The following AGBL1 variants were observed in gnomAD, a reference collection of about 807,000 sequenced individuals.
AGBL1 encodes cytosolic carboxypeptidase 4.
A neutral mutation model predicts 118.9 loss-of-function variants in AGBL1; 130 were observed. That is an observed-to-expected ratio of 1.09 (90% CI 0.95 to 1.26). The LOEUF (loss-of-function observed/expected upper bound fraction) is 1.26, where lower values mean the gene tolerates loss of function less well. AGBL1 is among the 50% of genes most tolerant of loss of function. The probability of loss-of-function intolerance (pLI) is 0.00; values close to 1 mark genes in which losing one functional copy is unlikely to be tolerated. For synonymous variants in AGBL1, 555 were observed against 478.9 expected (o/e 1.16, Z -2.08); for missense variants, 1,584 against 1,298.1 (o/e 1.22, Z -3.38).
intron 16 of AGBL1, among the ~76,000 whole-genome samples, chr15:86,285,780 C>A (rs371465417): frequency 9.6e-4 from 146 of 151,986 alleles, no homozygotes; most frequent in African/African-American, 3.4e-3. Context: ...AAAAGATAAC[C>A]CATGAGAGAA....
intron 22 of AGBL1, among the ~76,000 whole-genome samples, chr15:86,738,401 A>T (rs1269941033): frequency 6.7e-6 from 1 of 150,044 alleles, no homozygotes; most frequent in Non-Finnish European, 1.5e-5. Context: ...AGAGAAAAAA[A>T]TAAAAGGCAT....
intron 17 of AGBL1, among the ~76,000 whole-genome samples, chr15:86,329,183 G>C (rs566992115): frequency 6.6e-6 from 1 of 152,144 alleles, no homozygotes; most frequent in Admixed American, 6.5e-5. Context: ...ACCCCAGCCT[G>C]TTCCCCTGAG....
chr15:86,781,527 C>T (rs1404729231), intron 22 of AGBL1, among the ~76,000 whole-genome samples: 2 of 152,088 alleles, frequency 1.3e-5, no homozygotes, highest in African/African-American at 4.8e-5. Flanking sequence ...TTTTAGGACT[C>T]TTAGAGATCG....
chr15:86,973,363 T>A (rs1392943115), intron 23 of AGBL1, among the ~76,000 whole-genome samples: 1 of 152,072 alleles, frequency 6.6e-6, no homozygotes, highest in Non-Finnish European at 1.5e-5. Context: ...AGCTTCTTGA[T>A]GGTGAGAAAT....
At chr15:87,031,198 A>G (rs2141818757), downstream of AGBL1, among the ~76,000 whole-genome samples, 1 of 152,108 alleles carries the variant, frequency 6.6e-6, no homozygotes, top group South Asian at 2.1e-4. Flanking sequence ...ATATCCTGAA[A>G]TCACTGATAT....
chr15:86,188,824 G>A (rs1369326734), intron 5 of AGBL1, among the ~76,000 whole-genome samples: 2 of 152,176 alleles, frequency 1.3e-5, no homozygotes, highest in Non-Finnish European at 2.9e-5. Context: ...TATTTTCAAA[G>A]TGTGAGACAA....
intron 18 of AGBL1, among the ~76,000 whole-genome samples, chr15:86,464,969 G>A (rs1029169854): frequency 2.0e-5 from 3 of 151,868 alleles, no homozygotes; most frequent in Non-Finnish European, 4.4e-5. Flanking sequence ...GGTTGGGGAG[G>A]TTCTCCTGGA....
intron 1 of AGBL1, among the ~76,000 whole-genome samples, chr15:86,121,941 C>T (rs1430648924): frequency 1.3e-5 from 2 of 152,194 alleles, no homozygotes; most frequent in African/African-American, 4.8e-5. Context: ...GGAGGACTTT[C>T]ATACAAGGCC....
At chr15:86,894,989 C>A (rs1160385568) in intron 22 of AGBL1, among the ~76,000 whole-genome samples, 1 of 150,792 alleles carries the variant, frequency 6.6e-6, no homozygotes, top group African/African-American at 2.4e-5. Context: ...GTGACTCTGA[C>A]CACTTGCCAG....
At chr15:86,704,219 A>G (rs994189027) in intron 22 of AGBL1, among the ~76,000 whole-genome samples, 5 of 152,222 alleles carry the variant, frequency 3.3e-5, no homozygotes, top group Non-Finnish European at 4.4e-5. Context: ...CATTCAGGAC[A>G]TGGCCTGGGC....
chr15:86,465,663 T>C (rs2082394686), intron 18 of AGBL1, among the ~76,000 whole-genome samples: 1 of 152,186 alleles, frequency 6.6e-6, no homozygotes. Flanking sequence ...GGATGAAATA[T>C]GCCCTGGTCT....
At chr15:86,493,426 A>T (rs2082808716) in intron 18 of AGBL1, among the ~76,000 whole-genome samples, 1 of 151,980 alleles carries the variant, frequency 6.6e-6, no homozygotes, top group Non-Finnish European at 1.5e-5. Context: ...CATTTAGAAG[A>T]CACATAGGAG....
At chr15:86,668,966 A>G (rs1053925782) in intron 21 of AGBL1, among the ~76,000 whole-genome samples, 2 of 152,192 alleles carry the variant, frequency 1.3e-5, no homozygotes, top group Non-Finnish European at 2.9e-5. Context: ...CTGTAGCTCA[A>G]AAGGCCTCAA....
chr15:86,400,046 C>T (rs1336282971), intron 18 of AGBL1, among the ~76,000 whole-genome samples: 2 of 152,098 alleles, frequency 1.3e-5, no homozygotes, highest in Non-Finnish European at 2.9e-5. Flanking sequence ...TGGATAATGC[C>T]TCATCATAAA....
At chr15:86,311,084 T>C (rs2079913894) in intron 17 of AGBL1, among the ~76,000 whole-genome samples, 1 of 152,186 alleles carries the variant, frequency 6.6e-6, no homozygotes, top group Admixed American at 6.5e-5. Context: ...AAGGCTCAGT[T>C]GAAACCTTCA....
At chr15:86,458,810 T>G (rs1020076883) in intron 18 of AGBL1, among the ~76,000 whole-genome samples, 1 of 152,192 alleles carries the variant, frequency 6.6e-6, no homozygotes, top group African/African-American at 2.4e-5. Context: ...AAGGCTATCC[T>G]GTGTAGTTAA....
At chr15:86,354,337 TA>T (rs2080679216) in intron 17 of AGBL1, among the ~76,000 whole-genome samples, 1 of 152,038 alleles carries the variant, frequency 6.6e-6, no homozygotes, top group Non-Finnish European at 1.5e-5. Context: ...TTGTTGAGAG[TA>T]GATGAAAATC....
chr15:86,850,816 G>A (rs1410632113), intron 22 of AGBL1, among the ~76,000 whole-genome samples: 3 of 122,376 alleles, frequency 2.5e-5, no homozygotes, highest in African/African-American at 9.1e-5. Flanking sequence ...CATTCCAAAA[G>A]CTAAAAAACA....
At chr15:86,642,720 T>C (rs778621204) in intron 21 of AGBL1, among the ~76,000 whole-genome samples, 2 of 152,172 alleles carry the variant, frequency 1.3e-5, no homozygotes, top group Non-Finnish European at 2.9e-5. Context: ...TTTGATTCTA[T>C]TTGCTTGGTT....
Sources: gnomAD v4.1 joint callset for allele counts (sites outside exome capture counted in the v4.1 genomes callset) on GRCh38, gnomAD v4.1.1 for gene constraint, MANE v1.5 for transcripts, NCBI Gene and HGNC (gene_info 2026-07-23, HGNC 2026-07-21) for gene names.